CDH18: variants seen among roughly 807,000 people sequenced by gnomAD.
CDH18 encodes cadherin 18.
A neutral mutation model predicts 67.9 loss-of-function variants in CDH18; 31 were observed. The ratio of observed to expected loss-of-function variants is 0.46; its 90% CI spans 0.34 to 0.62. The LOEUF (loss-of-function observed/expected upper bound fraction) is 0.62, where lower values mean the gene tolerates loss of function less well. CDH18 is among the 20% of genes least tolerant of loss of function. The pLI is 0.01. For missense variants in CDH18, 890 were observed against 975.5 expected (o/e 0.91, Z 1.17); for synonymous variants, 362 against 347.2 (o/e 1.04, Z -0.48).
intron 5 of CDH18, among the ~76,000 whole-genome samples, chr5:19,668,614 G>C (rs888782207): frequency 1.3e-5 from 2 of 152,086 alleles, no homozygotes; most frequent in Admixed American, 1.3e-4. Flanking sequence ...ATAAGTGAGA[G>C]TCAAAAGAGC....
intron 2 of CDH18, among the ~76,000 whole-genome samples, chr5:20,151,306 A>G (rs549695812): frequency 6.6e-6 from 1 of 152,270 alleles, no homozygotes; most frequent in South Asian, 2.1e-4. Context: ...TGTTTGCTGC[A>G]AAGAACATAA....
chr5:20,494,969 T>C (rs890001305), intron 1 of CDH18, among the ~76,000 whole-genome samples: 2 of 152,148 alleles, frequency 1.3e-5, no homozygotes, highest in African/African-American at 4.8e-5. Context: ...CAGCAACTTC[T>C]TAGGTTTAAG....
chr5:20,499,239 G>A lies in CDH18; in HGVS notation c.-580+76223C>T, dbSNP rs966028046. Among the ~76,000 whole-genome samples, 73 of 151,920 alleles carry A rather than the reference G, an allele frequency of 4.8e-4. 3 individuals are homozygous for A. The highest frequency in any genetic ancestry group is 4.0e-3 in the Admixed American group (61 of 15,206). ...CATGATATAAAATGGCATGGTATTC[G>A]CATACAAGCTAAGCACATCTTCCTA... On this transcript the variant is annotated intron_variant, in intron 1 of 14. Transcript: ENST00000507958.
intron 2 of CDH18, among the ~76,000 whole-genome samples, chr5:19,945,144 A>G (rs1299995348): frequency 1.3e-5 from 2 of 152,116 alleles, no homozygotes; most frequent in Non-Finnish European, 2.9e-5. Flanking sequence ...ATCCAGGCCC[A>G]ATGTCTGCCA....
intron 1 of CDH18, among the ~76,000 whole-genome samples, chr5:20,564,818 A>G (rs1367484289): frequency 1.3e-5 from 2 of 152,216 alleles, no homozygotes; most frequent in African/African-American, 4.8e-5. Flanking sequence ...CATTGTCTTT[A>G]GCCAATTATT....
At chr5:19,804,308 A>T (rs894287800) in intron 3 of CDH18, among the ~76,000 whole-genome samples, 2 of 149,598 alleles carry the variant, frequency 1.3e-5, no homozygotes, top group Non-Finnish European at 3.0e-5. Flanking sequence ...TCTCAAAAAA[A>T]AAAAAATAAA....
intron 2 of CDH18, among the ~76,000 whole-genome samples, chr5:20,077,837 TA>T (rs1744082588): frequency 6.6e-6 from 1 of 152,200 alleles, no homozygotes; most frequent in Non-Finnish European, 1.5e-5. Context: ...GGAAATTTTG[TA>T]TAAAACAAAA....
At chr5:19,969,293 T>C (rs1797790859) in intron 2 of CDH18, among the ~76,000 whole-genome samples, 1 of 141,400 alleles carries the variant, frequency 7.1e-6, no homozygotes, top group Admixed American at 6.8e-5. Context: ...TGGCGATTCC[T>C]CAGGGATCTA....
At chr5:19,520,462 T>C (rs1006029310) in intron 10 of CDH18, among the ~76,000 whole-genome samples, 195 bp downstream of exon 10, 2 of 152,192 alleles carry the variant, frequency 1.3e-5, no homozygotes, top group Non-Finnish European at 2.9e-5. Context: ...TGAGTTACAT[T>C]TCGGATCCAA....
At chr5:19,917,439 A>T (rs1016179418) in intron 2 of CDH18, among the ~76,000 whole-genome samples, 29 of 149,854 alleles carry the variant, frequency 1.9e-4, no homozygotes, top group Admixed American at 1.8e-3. Flanking sequence ...AACTACTTTT[A>T]GCAACTAGGT....
At chr5:20,531,233 G>T (rs1035524272) in intron 1 of CDH18, among the ~76,000 whole-genome samples, 1 of 151,986 alleles carries the variant, frequency 6.6e-6, no homozygotes, top group Non-Finnish European at 1.5e-5. Flanking sequence ...AAAAAGTCAA[G>T]AATCAACAGA....
chr5:20,370,796 T>C (rs1474000564), intron 1 of CDH18, among the ~76,000 whole-genome samples: 1 of 152,020 alleles, frequency 6.6e-6, no homozygotes, highest in African/African-American at 2.4e-5. Context: ...CCCAGCACTG[T>C]GGAAGGCTGA....
chr5:19,905,026 C>T (rs1359022207), intron 2 of CDH18, among the ~76,000 whole-genome samples: 2 of 152,040 alleles, frequency 1.3e-5, no homozygotes, highest in South Asian at 2.1e-4. Context: ...TTTCTCCATA[C>T]TGATAAAGAA....
chr5:19,534,410 A>G (rs1301841150), intron 9 of CDH18, among the ~76,000 whole-genome samples: 1 of 152,174 alleles, frequency 6.6e-6, no homozygotes, highest in Non-Finnish European at 1.5e-5. Flanking sequence ...TCATCTTATT[A>G]CCATGTTACA....
At chr5:20,082,411 T>A (rs538140296) in intron 2 of CDH18, among the ~76,000 whole-genome samples, 1 of 152,344 alleles carries the variant, frequency 6.6e-6, no homozygotes, top group South Asian at 2.1e-4. Flanking sequence ...AAATGACAAT[T>A]GCTTTTGCAT....
intron 2 of CDH18, among the ~76,000 whole-genome samples, chr5:20,235,782 C>T (rs913868567): frequency 3.3e-5 from 5 of 151,992 alleles, no homozygotes; most frequent in Admixed American, 3.3e-4. Flanking sequence ...GGGTATACAC[C>T]CAAAGAAAAT....
intron 6 of CDH18, among the ~76,000 whole-genome samples, chr5:19,592,323 C>T (rs916542375): frequency 6.6e-6 from 1 of 151,950 alleles, no homozygotes; most frequent in African/African-American, 2.4e-5. Context: ...TCGAATGGAA[C>T]CGTTTCTATA....
At chr5:20,279,140 T>A (rs1402771629) in intron 1 of CDH18, among the ~76,000 whole-genome samples, 1 of 151,786 alleles carries the variant, frequency 6.6e-6, no homozygotes, top group African/African-American at 2.4e-5. Flanking sequence ...GACTCAAAGA[T>A]CTGCTACCTA....
intron 1 of CDH18, among the ~76,000 whole-genome samples, chr5:20,567,997 A>T (rs907323619): frequency 1.3e-5 from 2 of 152,212 alleles, no homozygotes; most frequent in Non-Finnish European, 2.9e-5. Flanking sequence ...ATTTAGAAGC[A>T]CTGAGTGTAA....
Sources: gnomAD v4.1 joint callset for allele counts (sites outside exome capture counted in the v4.1 genomes callset) on GRCh38, gnomAD v4.1.1 for gene constraint, MANE v1.5 for transcripts, NCBI Gene and HGNC (gene_info 2026-07-23, HGNC 2026-07-21) for gene names.